The following P2RY8 variants were observed in gnomAD, a reference collection of about 807,000 sequenced individuals.
P2RY8 encodes P2Y receptor family member 8.
P2RY8 carries 6 observed loss-of-function variants against 10.0 expected under a neutral mutation model. The observed-to-expected ratio is 0.60, with a 90% CI of 0.33 to 1.19. The LOEUF (loss-of-function observed/expected upper bound fraction) is 1.19. Among genes scored for constraint, P2RY8 ranks in the 50% most tolerant of loss-of-function variants. The pLI is 0.04. For missense variants in P2RY8, 456 were observed against 542.0 expected (o/e 0.84, Z 1.58); for synonymous variants, 276 against 252.5 (o/e 1.09, Z -0.88).
chrX:1,499,962 C>A (rs2092159039), intron 1 of P2RY8, among the ~76,000 whole-genome samples: 1 of 143,058 alleles, frequency 7.0e-6, no homozygotes, highest in Non-Finnish European at 1.6e-5. Flanking sequence ...GGGTTCCCGC[C>A]ATTCTCCTGC....
intron 1 of P2RY8, among the ~76,000 whole-genome samples, chrX:1,473,832 ATGGG>A (rs2091835965): frequency 7.9e-6 from 1 of 126,854 alleles, no homozygotes; most frequent in Non-Finnish European, 1.7e-5. Flanking sequence ...GGGTGGGTGG[ATGGG>A]TGGATGGATG....
chrX:1,505,486 G>C (rs2092223952), intron 1 of P2RY8, among the ~76,000 whole-genome samples: 3 of 152,242 alleles, frequency 2.0e-5, no homozygotes, highest in East Asian at 1.9e-4. Flanking sequence ...GATGAAGCTA[G>C]GTGTCTCATC....
chrX:1,536,951 T>C lies in P2RY8; in HGVS notation c.-55A>G. 4.4e-6 allele frequency: 1 copy of C among 229,708 alleles called. No individual in the cohort carries two copies. Among genetic ancestry groups the C allele is most frequent in the Non-Finnish European group, 8.6e-6 (1 of 115,962 alleles). The allele number at this position is 229,708 out of a possible 1,614,324, so 14.2% of individuals were successfully genotyped here. ...CAGAAGCAGCGGCAGAAGTAGCAGG[T>C]GAGAGCTCAGAGGGTCTCCAGGTAA... is the stretch of plus-strand genomic sequence containing the variant. On this transcript the variant is annotated 5_prime_UTR_variant, in exon 1 of 2. Transcript: ENST00000381297.
At chrX:1,531,620 C>T (rs2092476154) in intron 1 of P2RY8, among the ~76,000 whole-genome samples, 1 of 152,128 alleles carries the variant, frequency 6.6e-6, no homozygotes, top group African/African-American at 2.4e-5. Context: ...ACTCCCTGCC[C>T]AGCCATGGAG....
At chrX:1,499,163 C>CTTTTTTTT (rs1163119480) in intron 1 of P2RY8, among the ~76,000 whole-genome samples, 1 of 48,438 alleles carries the variant, frequency 2.1e-5, no homozygotes, top group Non-Finnish European at 5.4e-5. Flanking sequence ...TTTTTCTTTT[C>CTTTTTTTT]TTTTTTTTTT....
rs774924250 is a variant in P2RY8, at chrX:1,516,398, G to GC, written c.-25+20522dup. ...AGAGGCCTCAGGAGGAACCAGCCCT[G>GC]CCCACACCTGGATCTCAGACTTCCA... On this transcript the variant is annotated intron_variant, in intron 1 of 1. Coordinates refer to ENST00000381297, the MANE Select transcript of P2RY8 (RefSeq NM_178129.5). 2.5e-3 allele frequency among the ~76,000 whole-genome samples: 387 copies of GC among 152,128 alleles called. 2 individuals are homozygous for GC. Among genetic ancestry groups the GC allele is most frequent in the African/African-American group, 8.8e-3 (364 of 41,492 alleles).
intron 1 of P2RY8, among the ~76,000 whole-genome samples, chrX:1,504,736 C>T (rs1422289354): frequency 1.3e-5 from 2 of 152,160 alleles, no homozygotes; most frequent in African/African-American, 4.8e-5. Flanking sequence ...CCTGTAATCC[C>T]AGCACTTTGG....
In P2RY8 at chrX:1,510,476, G is replaced by A. The variant is rs552888379; in HGVS notation, c.-25+26445C>T. The stretch of plus-strand genomic sequence containing the variant: ...ACCAGCCATAACTACAACTTTGATC[G>A]CACAAGAGATTAATTTCAGCCACTT... On this transcript the variant is annotated intron_variant, in intron 1 of 1. Transcript: ENST00000381297. 7.9e-4 allele frequency among the ~76,000 whole-genome samples: 121 copies of A among 152,210 alleles called. 1 individual carries two copies. Among genetic ancestry groups the A allele is most frequent in the Non-Finnish European group, 1.0e-3 (70 of 68,028 alleles).
At chrX:1,485,914 G>T (rs1210099861) in intron 1 of P2RY8, among the ~76,000 whole-genome samples, 6 of 151,838 alleles carry the variant, frequency 4.0e-5, no homozygotes, top group African/African-American at 1.5e-4. Context: ...AGTGAAGGTA[G>T]CATTAGAAAA....
chrX:1,507,341 T>G (rs1242127360), intron 1 of P2RY8, among the ~76,000 whole-genome samples: 10 of 152,056 alleles, frequency 6.6e-5, no homozygotes, highest in Non-Finnish European at 1.0e-4. Flanking sequence ...ACATTGTCCT[T>G]GAACACCTGT....
intron 1 of P2RY8, among the ~76,000 whole-genome samples, chrX:1,498,655 T>G (rs2092144545): frequency 6.7e-6 from 1 of 149,706 alleles, no homozygotes; most frequent in African/African-American, 2.5e-5. Context: ...GTAGCTGGGA[T>G]TACAGGCACG....
intron 1 of P2RY8, among the ~76,000 whole-genome samples, chrX:1,469,425 C>T (rs1276105780): frequency 5.3e-5 from 8 of 151,850 alleles, no homozygotes; most frequent in African/African-American, 1.7e-4. Flanking sequence ...CCCCGGCCTC[C>T]TAAAGTGCTG....
At chrX:1,528,442 C>A (rs1212288738) in intron 1 of P2RY8, among the ~76,000 whole-genome samples, 1 of 152,218 alleles carries the variant, frequency 6.6e-6, no homozygotes, top group Admixed American at 6.5e-5. Context: ...GAGCAGCAGG[C>A]GCTGCCAGTC....
At chrX:1,536,267 GT>G (rs763003094) in intron 1 of P2RY8, among the ~76,000 whole-genome samples, 19 of 145,496 alleles carry the variant, frequency 1.3e-4, no homozygotes, top group Middle Eastern at 3.4e-3. Flanking sequence ...GTTTTTTTTT[GT>G]TTTTTTTTTT....
intron 1 of P2RY8, among the ~76,000 whole-genome samples, chrX:1,513,103 T>C (rs1207843925): frequency 1.3e-5 from 2 of 149,592 alleles, no homozygotes; most frequent in African/African-American, 4.9e-5. Flanking sequence ...CTCCCACTTA[T>C]GAGTGAGAAC....
At chrX:1,526,603 C>T (rs1471546632) in intron 1 of P2RY8, among the ~76,000 whole-genome samples, 1 of 151,824 alleles carries the variant, frequency 6.6e-6, no homozygotes, top group Non-Finnish European at 1.5e-5. Context: ...ATCATTCACC[C>T]ATTTATTCAG....
chrX:1,536,271 T>G (rs780383687), intron 1 of P2RY8, among the ~76,000 whole-genome samples: 5 of 151,930 alleles, frequency 3.3e-5, no homozygotes, highest in South Asian at 2.1e-4. Context: ...TTTTTTGTTT[T>G]TTTTTTTCTA....
intron 1 of P2RY8, among the ~76,000 whole-genome samples, chrX:1,516,144 C>CT: frequency 6.6e-6 from 1 of 151,072 alleles, no homozygotes; most frequent in Non-Finnish European, 1.5e-5. Context: ...TTGCAGTGAG[C>CT]GGAGGTTGCA....
intron 1 of P2RY8, among the ~76,000 whole-genome samples, chrX:1,484,360 C>T (rs1451889057): frequency 6.6e-6 from 1 of 152,058 alleles, no homozygotes; most frequent in Non-Finnish European, 1.5e-5. Flanking sequence ...GGGAGGTTCT[C>T]AGGCCCACAG....
Sources: gnomAD v4.1 joint callset for allele counts (sites outside exome capture counted in the v4.1 genomes callset) on GRCh38, gnomAD v4.1.1 for gene constraint, MANE v1.5 for transcripts, NCBI Gene and HGNC (gene_info 2026-07-23, HGNC 2026-07-21) for gene names.